RCAN2: variants seen among roughly 807,000 people sequenced by gnomAD.
The protein encoded by RCAN2 is regulator of calcineurin 2.
RCAN2 carries 9 observed loss-of-function variants against 23.6 expected under a neutral mutation model. The ratio of observed to expected loss-of-function variants is 0.38; its 90% CI spans 0.23 to 0.67. The LOEUF (loss-of-function observed/expected upper bound fraction) is 0.67. Among genes scored for constraint, RCAN2 ranks in the 30% least tolerant of loss-of-function variants. The pLI is 0.51. For synonymous variants in RCAN2, 109 were observed against 115.7 expected (o/e 0.94, Z 0.37); for missense variants, 273 against 302.3 (o/e 0.90, Z 0.72).
At chr6:46,223,697 T>C (rs905446534) in intron 4 of RCAN2, among the ~76,000 whole-genome samples, 1 of 152,202 alleles carries the variant, frequency 6.6e-6, no homozygotes, top group African/African-American at 2.4e-5. Flanking sequence ...TTCACTTCTT[T>C]ATCTTTTGAA....
intron 2 of RCAN2, among the ~76,000 whole-genome samples, chr6:46,418,075 G>T (rs907969093): frequency 6.6e-6 from 1 of 152,124 alleles, no homozygotes; most frequent in African/African-American, 2.4e-5. Context: ...AATCATATAT[G>T]AGATTATTAT....
chr6:46,247,827 T>A (rs1766572786), intron 3 of RCAN2, among the ~76,000 whole-genome samples: 2 of 152,222 alleles, frequency 1.3e-5, no homozygotes, highest in Non-Finnish European at 2.9e-5. Flanking sequence ...GTACATGTAT[T>A]TTTTTGAGTA....
intron 2 of RCAN2, among the ~76,000 whole-genome samples, chr6:46,335,885 T>C (rs1225677124): frequency 6.6e-6 from 1 of 152,234 alleles, no homozygotes; most frequent in East Asian, 1.9e-4. Context: ...GGGCTAACTT[T>C]GTGAAGGAAC....
intron 2 of RCAN2, among the ~76,000 whole-genome samples, chr6:46,455,890 G>GAAAAAAAAAAAAAAAAAAAAAAAC (rs1554142610): frequency 7.2e-6 from 1 of 139,552 alleles, no homozygotes; most frequent in Admixed American, 7.1e-5. Flanking sequence ...GAAAGAAAAA[G>GAAAAAAAAAAAAAAAAAAAAAAAC]AAAAAGAAAA....
chr6:46,234,756 A>T (rs1330594139), intron 4 of RCAN2, among the ~76,000 whole-genome samples: 2 of 152,264 alleles, frequency 1.3e-5, no homozygotes, highest in African/African-American at 4.8e-5. Flanking sequence ...ATTCTCATTC[A>T]GGCCTTTGAA....
At position 46,221,821 on chromosome 6, in the gene RCAN2, G is replaced by C. The variant is rs1349227054; in HGVS notation, c.*1320C>G. ...TAATGTACAGGAGTAGATGAGGCCT[G>C]GCACACATAGCAGAAGGTAATGGTT... is the stretch of plus-strand genomic sequence containing the variant. On this transcript the variant is annotated 3_prime_UTR_variant, in exon 5 of 5. Coordinates refer to ENST00000371374, the MANE Select transcript of RCAN2 (RefSeq NM_001251974.2). The C allele has an allele frequency of 2.5e-6, 1 of 397,506 alleles. No individual in the cohort carries two copies. The highest frequency in any genetic ancestry group is 4.4e-6 in the Non-Finnish European group (1 of 225,572). 24.6% of individuals were successfully genotyped at this position (397,506 alleles called of 1,614,324 possible).
intron 2 of RCAN2, among the ~76,000 whole-genome samples, chr6:46,291,528 T>C (rs917304293): frequency 1.3e-5 from 2 of 152,026 alleles, no homozygotes; most frequent in African/African-American, 2.4e-5. Flanking sequence ...AGGGCTTTGA[T>C]TGGAAGCTCA....
At chr6:46,325,008 G>A (rs745832467) in intron 2 of RCAN2, among the ~76,000 whole-genome samples, 1 of 152,254 alleles carries the variant, frequency 6.6e-6, no homozygotes, top group Non-Finnish European at 1.5e-5. Context: ...GGCTGGCCTG[G>A]ATGCTGGGTT....
intron 2 of RCAN2, among the ~76,000 whole-genome samples, chr6:46,358,152 T>A (rs1764898988): frequency 6.6e-6 from 1 of 152,212 alleles, no homozygotes; most frequent in Non-Finnish European, 1.5e-5. Context: ...AGCACTTCTG[T>A]GGTCCTAGGA....
At chr6:46,366,601 G>A (rs975372787) in intron 2 of RCAN2, among the ~76,000 whole-genome samples, 6 of 151,918 alleles carry the variant, frequency 3.9e-5, no homozygotes, top group Admixed American at 1.3e-4. Context: ...TGAATGTGTC[G>A]TCCTTTATAT....
chr6:46,325,468 A>G, intron 2 of RCAN2: 1 of 1,614,078 alleles, frequency 6.2e-7, no homozygotes, highest in Non-Finnish European at 8.5e-7. Context: ...AGTCCATGCT[A>G]GGGGCTGGCA....
At position 46,309,856 on chromosome 6, in the gene RCAN2, C is replaced by G. The variant is rs1055141267; in HGVS notation, c.226-60960G>C. On this transcript the variant is annotated intron_variant, in intron 2 of 4. Coordinates refer to ENST00000371374, the MANE Select transcript of RCAN2 (RefSeq NM_001251974.2). ...GTAAGGAATTCAATTTTAAACAACA[C>G]TGTACAGGCCAAATAAAATGCACCT... Among the ~76,000 whole-genome samples the G allele has an allele frequency of 2.0e-5, 3 of 152,172 alleles. No individual in the cohort carries two copies. In the East Asian group the frequency reaches 5.8e-4, roughly 29 times the overall value.
chr6:46,223,342 T>C, intron 4 of RCAN2, 41 bp from the exon 5 acceptor site: 1 of 1,579,962 alleles, frequency 6.3e-7, no homozygotes, highest in Non-Finnish European at 8.7e-7. Flanking sequence ...GAGGGGGGGA[T>C]TTCAAAAGAG....
At chr6:46,252,890 G>A (rs1333084102) in intron 2 of RCAN2, among the ~76,000 whole-genome samples, 1 of 152,162 alleles carries the variant, frequency 6.6e-6, no homozygotes, top group Non-Finnish European at 1.5e-5. Context: ...TCAAATAATT[G>A]TGAGTATTCT....
chr6:46,404,706 A>AAAAT (rs1051397483), intron 2 of RCAN2, among the ~76,000 whole-genome samples: 3 of 152,240 alleles, frequency 2.0e-5, no homozygotes, highest in African/African-American at 7.2e-5. Context: ...TACTAAGACA[A>AAAAT]AAATAAATAA....
chr6:46,320,713 G>T (rs1173513684), intron 2 of RCAN2, among the ~76,000 whole-genome samples: 2 of 152,216 alleles, frequency 1.3e-5, no homozygotes, highest in South Asian at 2.1e-4. Flanking sequence ...CCTTAAAAAG[G>T]CCTTGGCCTT....
intron 2 of RCAN2, among the ~76,000 whole-genome samples, chr6:46,281,049 C>T (rs1050125341): frequency 6.6e-6 from 1 of 152,118 alleles, no homozygotes; most frequent in Non-Finnish European, 1.5e-5. Flanking sequence ...CTAGGTGTTA[C>T]TTCTTTAGTT....
chr6:46,344,021 G>A (rs1306156231), intron 2 of RCAN2, among the ~76,000 whole-genome samples: 2 of 152,156 alleles, frequency 1.3e-5, no homozygotes, highest in African/African-American at 2.4e-5. Flanking sequence ...GTCCATAAAA[G>A]TAAAATAATG....
At chr6:46,432,997 G>A (rs929498193) in intron 2 of RCAN2, among the ~76,000 whole-genome samples, 1 of 152,124 alleles carries the variant, frequency 6.6e-6, no homozygotes, top group Non-Finnish European at 1.5e-5. Flanking sequence ...GGAAGAGGAG[G>A]AGCCTTCCCT....
Sources: gnomAD v4.1 joint callset for allele counts (sites outside exome capture counted in the v4.1 genomes callset) on GRCh38, gnomAD v4.1.1 for gene constraint, MANE v1.5 for transcripts, NCBI Gene and HGNC (gene_info 2026-07-23, HGNC 2026-07-21) for gene names.